TSPAN13: variants seen among roughly 807,000 people sequenced by gnomAD.
TSPAN13 encodes the protein tetraspanin-13.
Under a neutral mutation model 26.9 loss-of-function variants are expected in TSPAN13, and 18 were observed. The observed-to-expected ratio is 0.67, with a 90% CI of 0.46 to 0.99. The LOEUF is 0.99. Ranked by LOEUF, TSPAN13 falls within the 50% of genes least tolerant of loss-of-function variation. The pLI is 0.00. For missense variants in TSPAN13, 201 were observed against 249.6 expected (o/e 0.81, Z 1.31); for synonymous variants, 116 against 98.4 (o/e 1.18, Z -1.06).
chr7:16,779,017 T>G lies in TSPAN13; in HGVS notation c.441T>G (p.Ser147Arg). ...NDTCLASCVK[S>R]DHSCSPCAPI... ...AATTGGTGCAGAGCTGTGTTAAAAG[T>G]GACCACTCGTGCTCGCCATGTGCTC... is the stretch of plus-strand genomic sequence containing the variant. Residue 147 changes from serine to arginine, a missense_variant, in exon 5 of 6, where the codon AGT (serine) becomes AGG (arginine). Physicochemically the swap from Ser to Arg is moderately radical, Grantham distance 110. Coordinates refer to ENST00000262067, the MANE Select transcript of TSPAN13 (RefSeq NM_014399.4). The G allele has an allele frequency of 6.2e-7, 1 of 1,612,708 alleles. No individual in the cohort carries two copies. Among genetic ancestry groups the G allele is most frequent in the Non-Finnish European group, 8.5e-7 (1 of 1,179,536 alleles).
At chr7:16,762,269 G>A (rs183814361) in intron 1 of TSPAN13, among the ~76,000 whole-genome samples, 4 of 152,316 alleles carry the variant, frequency 2.6e-5, no homozygotes, top group Admixed American at 2.6e-4. Context: ...AGGGTAATGA[G>A]CAATATCATG....
At position 16,777,088 on chromosome 7, in the gene TSPAN13, C is replaced by T. The variant is rs771039340; in HGVS notation, c.278C>T (p.Ser93Phe). 2 of 1,613,678 alleles carry T rather than the reference C, an allele frequency of 1.2e-6. No individual in the cohort carries two copies. The highest frequency in any genetic ancestry group is 2.2e-5 in the South Asian group (2 of 91,050). ...LLVFIVQFSV[S>F]CACLALNQEQ... ...GTATTTATTGTTCAGTTTTCTGTAT[C>T]TTGCGCTTGTTTAGCCCTGAACCAG... The change falls in exon 3 of 6, where the codon TCT becomes TTT. Residue 93 changes from serine (S) to phenylalanine (F), a missense_variant. Coordinates refer to ENST00000262067, the MANE Select transcript of TSPAN13 (RefSeq NM_014399.4).
At chr7:16,764,446 T>C (rs1784584303) in intron 1 of TSPAN13, among the ~76,000 whole-genome samples, 2 of 152,170 alleles carry the variant, frequency 1.3e-5, no homozygotes. Context: ...AAGTTTCTAA[T>C]TCCAAGTAGA....
intron 1 of TSPAN13, among the ~76,000 whole-genome samples, chr7:16,771,446 C>G (rs1221818056): frequency 6.6e-6 from 1 of 152,108 alleles, no homozygotes; most frequent in East Asian, 1.9e-4. Flanking sequence ...AATGAAGAAT[C>G]TTGAGATGGG....
intron 1 of TSPAN13, among the ~76,000 whole-genome samples, chr7:16,762,654 T>C (rs1026540842): frequency 3.3e-5 from 5 of 152,170 alleles, no homozygotes; most frequent in South Asian, 2.1e-4. Context: ...GTAAGTTTTA[T>C]TATTTTCACG....
At chr7:16,781,140 G>A (rs1784809539) in intron 5 of TSPAN13, among the ~76,000 whole-genome samples, 1 of 152,060 alleles carries the variant, frequency 6.6e-6, no homozygotes, top group Non-Finnish European at 1.5e-5. Flanking sequence ...TCTGAAAAAA[G>A]CTATGATTAA....
intron 1 of TSPAN13, among the ~76,000 whole-genome samples, chr7:16,760,335 A>T (rs1309285524): frequency 1.3e-5 from 2 of 152,150 alleles, no homozygotes; most frequent in Admixed American, 1.3e-4. Context: ...ACAGAATTAA[A>T]AGAAATAGAT....
At chr7:16,755,872 C>A (rs960199062) in intron 1 of TSPAN13, among the ~76,000 whole-genome samples, 1 of 152,068 alleles carries the variant, frequency 6.6e-6, no homozygotes, top group African/African-American at 2.4e-5. Context: ...CATATTAAGA[C>A]TATTTAATAT....
At chr7:16,755,790 C>G (rs1198595676) in intron 1 of TSPAN13, among the ~76,000 whole-genome samples, 1 of 151,908 alleles carries the variant, frequency 6.6e-6, no homozygotes, top group East Asian at 1.9e-4. Context: ...TCCTTGCTTT[C>G]TAGACATCAT....
At position 16,753,808 on chromosome 7, in the gene TSPAN13, G is replaced by A; in HGVS notation, c.-160G>A. The A allele has an allele frequency of 1.6e-6, 1 of 628,336 alleles. No individual in the cohort carries two copies. The allele number at this position is 628,336 out of a possible 1,614,324, so 38.9% of individuals were successfully genotyped here. ...CAAAGCGGGTCCGAGCCGCCGCCGC[G>A]CGCGCGCCGCGCACTGCAGCCCCAG... On this transcript the variant is annotated 5_prime_UTR_variant, in exon 1 of 6. Coordinates refer to ENST00000262067, the MANE Select transcript of TSPAN13 (RefSeq NM_014399.4).
chr7:16,754,283 T>C (rs973409593), intron 1 of TSPAN13, among the ~76,000 whole-genome samples: 1 of 152,130 alleles, frequency 6.6e-6, no homozygotes, highest in Non-Finnish European at 1.5e-5. Context: ...TCTGCCACAT[T>C]GCTCCACCCC....
intron 1 of TSPAN13, among the ~76,000 whole-genome samples, chr7:16,764,095 G>T (rs188286006): frequency 6.6e-6 from 1 of 152,018 alleles, no homozygotes; most frequent in Admixed American, 6.6e-5. Flanking sequence ...TTGACTCACC[G>T]CAACCTCTGC....
rs1420550178 is a variant in TSPAN13, at chr7:16,777,031, C to G, written c.232-11C>G. On this transcript the variant is annotated splice_polypyrimidine_tract_variant and intron_variant, in intron 2 of 5. Coordinates refer to ENST00000262067, the MANE Select transcript of TSPAN13 (RefSeq NM_014399.4). ...GAATATTTAGAAGTATCCTTAACTT[C>G]TAACTCTCAGTATATGATTATTCTG... 1 of 1,584,444 alleles carries G rather than the reference C, an allele frequency of 6.3e-7. No homozygotes were observed. The highest frequency in any genetic ancestry group is 1.1e-5 in the South Asian group (1 of 90,156).
At chr7:16,759,935 C>G (rs1784523626) in intron 1 of TSPAN13, among the ~76,000 whole-genome samples, 1 of 152,144 alleles carries the variant, frequency 6.6e-6, no homozygotes, top group East Asian at 1.9e-4. Flanking sequence ...AGTCCTCCCA[C>G]CTTGGCCTCC....
At chr7:16,782,647 G>A (rs1228039324) in intron 5 of TSPAN13, among the ~76,000 whole-genome samples, 1 of 152,180 alleles carries the variant, frequency 6.6e-6, no homozygotes, top group Non-Finnish European at 1.5e-5. Flanking sequence ...TTCCTACCAA[G>A]AGAGGTAGGA....
chr7:16,769,707 T>C (rs1212930247), intron 1 of TSPAN13, among the ~76,000 whole-genome samples: 1 of 152,206 alleles, frequency 6.6e-6, no homozygotes, highest in Non-Finnish European at 1.5e-5. Flanking sequence ...ATGCTCCTAA[T>C]AATTTTTGAA....
chr7:16,760,731 T>G (rs1312074794), intron 1 of TSPAN13, among the ~76,000 whole-genome samples: 1 of 152,000 alleles, frequency 6.6e-6, no homozygotes, highest in Non-Finnish European at 1.5e-5. Flanking sequence ...GCCAGTCAGG[T>G]AGGAGGAAAA....
intron 1 of TSPAN13, among the ~76,000 whole-genome samples, chr7:16,775,065 C>T: frequency 6.6e-6 from 1 of 152,088 alleles, no homozygotes; most frequent in Non-Finnish European, 1.5e-5. Context: ...GTTTATCAGG[C>T]TTTTAAATGG....
At chr7:16,761,773 A>G (rs1322440825) in intron 1 of TSPAN13, among the ~76,000 whole-genome samples, 2 of 136,404 alleles carry the variant, frequency 1.5e-5, no homozygotes, top group Admixed American at 8.7e-5. Flanking sequence ...GGCTTCAAGC[A>G]TTCCTCTTGC....
Sources: gnomAD v4.1 joint callset for allele counts (sites outside exome capture counted in the v4.1 genomes callset) on GRCh38, gnomAD v4.1.1 for gene constraint, MANE v1.5 for transcripts, NCBI Gene and HGNC (gene_info 2026-07-23, HGNC 2026-07-21) for gene names.